Variants in LRP1B observed in about 807,000 individuals in gnomAD.
LRP1B encodes the protein low-density lipoprotein receptor-related protein 1B.
Under a neutral mutation model 556.6 loss-of-function variants are expected in LRP1B, and 217 were observed. That is an observed-to-expected ratio of 0.39 (90% confidence interval 0.35 to 0.44). The LOEUF is 0.44. LRP1B is among the 20% of genes least tolerant of loss of function. The pLI is 1.00. For missense variants in LRP1B, 5,053 were observed against 5,620.8 expected (o/e 0.90, Z 3.23); for synonymous variants, 2,047 against 1,865.8 (o/e 1.10, Z -2.50).
At chr2:140,316,637 G>A (rs1352203654) in intron 82 of LRP1B, among the ~76,000 whole-genome samples, 1 of 152,072 alleles carries the variant, frequency 6.6e-6, no homozygotes, top group East Asian at 1.9e-4. Context: ...AGGCATACAA[G>A]TTACCTGATT....
At chr2:140,888,960 C>CAAAAA (rs35546727) in intron 23 of LRP1B, among the ~76,000 whole-genome samples, 1 of 78,052 alleles carries the variant, frequency 1.3e-5, no homozygotes, top group Non-Finnish European at 2.8e-5. Context: ...GAGTCTGTCT[C>CAAAAA]AAAAAAAAAA....
intron 3 of LRP1B, among the ~76,000 whole-genome samples, chr2:141,436,141 A>G (rs992583266): frequency 5.3e-5 from 8 of 152,234 alleles, no homozygotes; most frequent in Non-Finnish European, 8.8e-5. Flanking sequence ...ATTGGCAAAA[A>G]TTGTATACAT....
chr2:140,394,808 T>C (rs1684179619), intron 66 of LRP1B, among the ~76,000 whole-genome samples: 1 of 152,122 alleles, frequency 6.6e-6, no homozygotes, highest in Admixed American at 6.6e-5. Context: ...TTGTTTGAGG[T>C]CATGCCTATA....
chr2:140,344,995 G>T (rs914409001), intron 77 of LRP1B, among the ~76,000 whole-genome samples: 2 of 151,744 alleles, frequency 1.3e-5, no homozygotes, highest in African/African-American at 2.4e-5. Flanking sequence ...TACATAATAT[G>T]ACATGATAAC....
intron 2 of LRP1B, among the ~76,000 whole-genome samples, chr2:141,743,486 CTTTTT>C (rs765968445): frequency 8.3e-5 from 9 of 108,034 alleles, no homozygotes; most frequent in Non-Finnish European, 1.5e-4. Context: ...CTGCTTTTTT[CTTTTT>C]TTTTTTTTTC....
chr2:141,616,945 G>C (rs1688322617), intron 2 of LRP1B, among the ~76,000 whole-genome samples: 2 of 152,112 alleles, frequency 1.3e-5, no homozygotes, highest in South Asian at 4.1e-4. Context: ...ATCATTCAAA[G>C]AGCAGTCCTC....
chr2:141,089,376 G>T (rs1359577539), intron 7 of LRP1B, among the ~76,000 whole-genome samples: 1 of 152,104 alleles, frequency 6.6e-6, no homozygotes, highest in Non-Finnish European at 1.5e-5. Flanking sequence ...CCAATATTTG[G>T]CAGATATATT....
chr2:141,342,019 C>T lies in LRP1B; in HGVS notation c.344-87378G>A, dbSNP rs189168529. ...CAGCACTTTGGGAGGCCGAGGCGGG[C>T]GGATCACGAGGTCAGGAGATCAAGA... On this transcript the variant is annotated intron_variant, in intron 3 of 90. Coordinates refer to ENST00000389484, the MANE Select transcript of LRP1B (RefSeq NM_018557.3). Among the ~76,000 whole-genome samples, 418 of 151,684 alleles carry T rather than the reference C, an allele frequency of 2.8e-3. 1 individual carries two copies. The highest frequency in any genetic ancestry group is 4.4e-3 in the African/African-American group (182 of 41,386).
rs1692581212 is a variant in LRP1B, at chr2:140,855,318, A to G, written c.4580-3535T>C. Among the ~76,000 whole-genome samples, 4 of 8,696 alleles carry G rather than the reference A, an allele frequency of 4.6e-4. No homozygotes were observed. In the South Asian group the frequency reaches 0.043, roughly 95 times the overall value. The allele number at this position is 8,696 out of a possible 152,430, so 5.7% of individuals were successfully genotyped here. ...CTTTGATATCTAGTATCCCTGCATT[A>G]CATACAGTTGTTGTCTTTGTAGAAC... On this transcript the variant is annotated intron_variant, in intron 27 of 90. Transcript: ENST00000389484.
intron 7 of LRP1B, among the ~76,000 whole-genome samples, chr2:141,114,243 C>T (rs186736011): frequency 1.3e-5 from 2 of 152,346 alleles, no homozygotes; most frequent in East Asian, 3.9e-4. Flanking sequence ...AATTAATGCT[C>T]TTTTAACAGT....
At chr2:140,972,039 T>A in intron 18 of LRP1B, among the ~76,000 whole-genome samples, 1 of 152,214 alleles carries the variant, frequency 6.6e-6, no homozygotes, top group East Asian at 1.9e-4. Context: ...AAGCCGTTTT[T>A]AATAATTTCT....
chr2:140,536,213 T>A (rs769288485), intron 46 of LRP1B, among the ~76,000 whole-genome samples: 1 of 144,900 alleles, frequency 6.9e-6, no homozygotes, highest in Non-Finnish European at 1.5e-5. Context: ...ATTCACGGAG[T>A]GCTGTTATCC....
At chr2:141,413,872 A>G (rs1690957673) in intron 3 of LRP1B, among the ~76,000 whole-genome samples, 1 of 150,904 alleles carries the variant, frequency 6.6e-6, no homozygotes, top group East Asian at 2.0e-4. Flanking sequence ...CAGTGAGGAG[A>G]GAGAGAGAGA....
intron 2 of LRP1B, among the ~76,000 whole-genome samples, chr2:141,698,518 T>C (rs1691818406): frequency 6.6e-6 from 1 of 151,052 alleles, no homozygotes; most frequent in African/African-American, 2.4e-5. Flanking sequence ...AGAGTTTGAC[T>C]ATTTTTTGCT....
At chr2:141,168,715 G>A (rs961996191) in intron 7 of LRP1B, among the ~76,000 whole-genome samples, 6 of 152,076 alleles carry the variant, frequency 3.9e-5, no homozygotes, top group Non-Finnish European at 7.4e-5. Flanking sequence ...CCTAGAGAGA[G>A]GTTTTCTGGG....
intron 7 of LRP1B, among the ~76,000 whole-genome samples, chr2:141,159,449 C>T (rs1170812540): frequency 3.9e-5 from 6 of 151,992 alleles, no homozygotes; most frequent in Non-Finnish European, 8.8e-5. Context: ...CCAGGCTGGA[C>T]GTGAAGCCCT....
At chr2:140,423,692 T>C (rs886207750) in intron 66 of LRP1B, among the ~76,000 whole-genome samples, 6 of 152,134 alleles carry the variant, frequency 3.9e-5, no homozygotes, top group African/African-American at 1.2e-4. Context: ...TACAGTTCCT[T>C]AAATAGCTTG....
At position 140,994,930 on chromosome 2, in the gene LRP1B, G is replaced by A. The variant is rs546049934; in HGVS notation, c.2504-795C>T. Among the ~76,000 whole-genome samples, 19 of 151,970 alleles carry A rather than the reference G, an allele frequency of 1.3e-4. No homozygotes were observed. In the South Asian group the frequency reaches 3.7e-3, roughly 30 times the overall value. ...AAAAAGAAAATTTTCAATTTTTCTG[G>A]CAACAAGTATTCTACTGGGTGAAAG... On this transcript the variant is annotated intron_variant, in intron 15 of 90. Coordinates refer to ENST00000389484, the MANE Select transcript of LRP1B (RefSeq NM_018557.3).
At chr2:140,383,368 T>C (rs936475513) in intron 67 of LRP1B, among the ~76,000 whole-genome samples, 1 of 152,006 alleles carries the variant, frequency 6.6e-6, no homozygotes, top group African/African-American at 2.4e-5. Flanking sequence ...TCTTGATAGA[T>C]TTTAGTACAG....
Sources: gnomAD v4.1 joint callset for allele counts (sites outside exome capture counted in the v4.1 genomes callset) on GRCh38, gnomAD v4.1.1 for gene constraint, MANE v1.5 for transcripts, NCBI Gene and HGNC (gene_info 2026-07-23, HGNC 2026-07-21) for gene names.